GLIS3: variants seen among roughly 807,000 people sequenced by gnomAD.
The protein encoded by GLIS3 is GLIS family zinc finger 3, also known as zinc finger protein GLIS3.
GLIS3 carries 53 observed loss-of-function variants against 78.6 expected under a neutral mutation model. That is an observed-to-expected ratio of 0.67 (90% confidence interval 0.54 to 0.85). GLIS3 has a LOEUF of 0.85. Ranked by LOEUF, GLIS3 falls within the 40% of genes least tolerant of loss-of-function variation. GLIS3 has a pLI of 0.00. For missense variants in GLIS3, 1,703 were observed against 1,231.1 expected (o/e 1.38, Z -5.74); for synonymous variants, 684 against 509.9 (o/e 1.34, Z -4.60).
At chr9:4,466,535 T>A in the GLIS3 span, among the ~76,000 whole-genome samples, 1 of 149,820 alleles carries the variant, frequency 6.7e-6, no homozygotes, top group Non-Finnish European at 1.5e-5. Context: ...ATATAAAATT[T>A]TTTTAAATGT....
intron 4 of GLIS3, among the ~76,000 whole-genome samples, chr9:3,953,999 C>G (rs762952696): frequency 1.3e-5 from 2 of 152,040 alleles, no homozygotes; most frequent in African/African-American, 2.4e-5. Context: ...TTTTCTCCCC[C>G]TCACTTGGAG....
intron 4 of GLIS3, among the ~76,000 whole-genome samples, chr9:3,967,489 C>T (rs1014054281): frequency 2.6e-5 from 4 of 151,514 alleles, no homozygotes; most frequent in Non-Finnish European, 4.4e-5. Flanking sequence ...GGCAATAGAG[C>T]GAGACTCCAC....
chr9:4,114,892 A>T (rs1226607851), intron 4 of GLIS3, among the ~76,000 whole-genome samples: 1 of 152,230 alleles, frequency 6.6e-6, no homozygotes, highest in Non-Finnish European at 1.5e-5. Context: ...TTAACCAAAT[A>T]ATAAATTCAC....
At chr9:3,967,812 T>C (rs1334552154) in intron 4 of GLIS3, among the ~76,000 whole-genome samples, 1 of 152,178 alleles carries the variant, frequency 6.6e-6, no homozygotes, top group African/African-American at 2.4e-5. Flanking sequence ...ATTTGTATGC[T>C]TCCACAACCG....
At chr9:4,050,490 T>C (rs1428899347) in intron 4 of GLIS3, among the ~76,000 whole-genome samples, 2 of 152,136 alleles carry the variant, frequency 1.3e-5, no homozygotes, top group Non-Finnish European at 1.5e-5. Context: ...GTGAAATACC[T>C]AATGTACATG....
chr9:4,276,824 A>C (rs1827078549), intron 2 of GLIS3, among the ~76,000 whole-genome samples: 1 of 152,204 alleles, frequency 6.6e-6, no homozygotes, highest in Admixed American at 6.5e-5. Context: ...CTCAGAGAGT[A>C]AACAAAAGTA....
chr9:3,955,204 A>T (rs1563888268), intron 4 of GLIS3, among the ~76,000 whole-genome samples: 1 of 152,190 alleles, frequency 6.6e-6, no homozygotes, highest in Non-Finnish European at 1.5e-5. Context: ...GATGGCCCGC[A>T]TGAGTCAGGC....
the GLIS3 span, among the ~76,000 whole-genome samples, chr9:4,370,941 C>T: frequency 6.6e-6 from 1 of 152,102 alleles, no homozygotes; most frequent in African/African-American, 2.4e-5. Flanking sequence ...ATAAAAGACT[C>T]CTATTTTTGT....
chr9:4,111,956 AT>A, intron 4 of GLIS3, among the ~76,000 whole-genome samples: 1 of 152,320 alleles, frequency 6.6e-6, no homozygotes, highest in Non-Finnish European at 1.5e-5. Context: ...TATTTTAGTA[AT>A]TTACCAACTC....
chr9:3,894,719 ATTT>A (rs3061590), intron 7 of GLIS3, among the ~76,000 whole-genome samples: 112,138 of 151,340 alleles, frequency 0.74, 41,636 homozygotes, highest in East Asian at 0.81. Context: ...CAAAACATCT[ATTT>A]TTTTTTTTTT....
intron 2 of GLIS3, among the ~76,000 whole-genome samples, chr9:4,215,343 G>A (rs1820728121): frequency 6.6e-6 from 1 of 152,010 alleles, no homozygotes; most frequent in South Asian, 2.1e-4. Context: ...GTGTGTGTGT[G>A]TGTGTGTGTG....
chr9:4,342,583 T>G (rs1167327186), intron 2 of GLIS3, among the ~76,000 whole-genome samples: 1 of 152,214 alleles, frequency 6.6e-6, no homozygotes, highest in Non-Finnish European at 1.5e-5. Context: ...TTTCAGCTGT[T>G]TTTTTGGTTC....
At chr9:3,891,841 A>G (rs1023112183) in intron 7 of GLIS3, among the ~76,000 whole-genome samples, 2 of 152,176 alleles carry the variant, frequency 1.3e-5, no homozygotes, top group African/African-American at 4.8e-5. Flanking sequence ...GATGCATCGC[A>G]TCTTTCATGA....
At chr9:4,049,782 G>A (rs1825568056) in intron 4 of GLIS3, among the ~76,000 whole-genome samples, 1 of 152,102 alleles carries the variant, frequency 6.6e-6, no homozygotes, top group Non-Finnish European at 1.5e-5. Context: ...CAAAAAGTGG[G>A]CAAAGGATAT....
chr9:4,204,392 T>C (rs994737329), intron 2 of GLIS3, among the ~76,000 whole-genome samples: 2 of 152,124 alleles, frequency 1.3e-5, no homozygotes, highest in African/African-American at 4.8e-5. Context: ...AGAGACTCCA[T>C]GCATACATCT....
At chr9:4,323,278 G>T (rs1048184249) in intron 2 of GLIS3, among the ~76,000 whole-genome samples, 1 of 152,066 alleles carries the variant, frequency 6.6e-6, no homozygotes, top group Admixed American at 6.5e-5. Flanking sequence ...CAGGTGATTT[G>T]CCTGCCTTGG....
intron 2 of GLIS3, among the ~76,000 whole-genome samples, chr9:4,284,924 A>C (rs67562342): frequency 1.3e-5 from 2 of 150,906 alleles, no homozygotes; most frequent in Admixed American, 1.3e-4. Context: ...GTCTCAAAAA[A>C]TTTTCTAATT....
intron 2 of GLIS3, among the ~76,000 whole-genome samples, chr9:4,227,570 G>A (rs944676044): frequency 1.3e-5 from 2 of 152,146 alleles, no homozygotes; most frequent in Non-Finnish European, 2.9e-5. Context: ...TTGACTGCAA[G>A]AGTGACTTGA....
intron 4 of GLIS3, among the ~76,000 whole-genome samples, chr9:4,087,917 C>T (rs1829177572): frequency 6.6e-6 from 1 of 152,216 alleles, no homozygotes; most frequent in African/African-American, 2.4e-5. Context: ...CTTCTATTGT[C>T]CATCTCGCAT....
Sources: gnomAD v4.1 joint callset for allele counts (sites outside exome capture counted in the v4.1 genomes callset) on GRCh38, gnomAD v4.1.1 for gene constraint, MANE v1.5 for transcripts, NCBI Gene and HGNC (gene_info 2026-07-23, HGNC 2026-07-21) for gene names.